The following NTMT1 variants were observed in gnomAD, a reference collection of about 807,000 sequenced individuals.
The protein encoded by NTMT1 is N-terminal Xaa-Pro-Lys N-methyltransferase 1.
NTMT1 carries 8 observed loss-of-function variants against 17.5 expected under a neutral mutation model. The ratio of observed to expected loss-of-function variants is 0.46; its 90% CI spans 0.27 to 0.82. The LOEUF (loss-of-function observed/expected upper bound fraction) is 0.82. Among genes scored for constraint, NTMT1 ranks in the 40% least tolerant of loss-of-function variants. The pLI is 0.15. For synonymous variants in NTMT1, 128 were observed against 126.8 expected (o/e 1.01, Z -0.06); for missense variants, 221 against 303.5 (o/e 0.73, Z 2.02).
At chr9:129,630,420 G>A (rs1457271446) in intron 1 of NTMT1, among the ~76,000 whole-genome samples, 1 of 152,104 alleles carries the variant, frequency 6.6e-6, no homozygotes. Flanking sequence ...GCGACAGTGA[G>A]ACCCTTTCTA....
At position 129,619,499 on chromosome 9, in the gene NTMT1, C is replaced by T. The variant is rs1830561771; in HGVS notation, c.-55+10321C>T. The T allele has an allele frequency of 3.8e-6, 6 of 1,573,238 alleles. No homozygotes were observed. The East Asian group carries it at 1.3e-4, about 35-fold the overall frequency. On this transcript the variant is annotated intron_variant, in intron 1 of 3. Coordinates refer to the NTMT1 transcript ENST00000372486. ...TGCCCCTTTCCTCCACTACCCTACCCTTATCCCGCCCATCACTCACTGGTT... is the reference window on the plus strand; with the variant it reads ...TGCCCCTTTCCTCCACTACCCTACCTTTATCCCGCCCATCACTCACTGGTT...
chr9:129,616,882 C>T (rs900853955), intron 1 of NTMT1, among the ~76,000 whole-genome samples: 3 of 152,122 alleles, frequency 2.0e-5, no homozygotes, highest in Non-Finnish European at 1.5e-5. Context: ...ACCATCCTGG[C>T]CAACATGGTG....
chr9:129,634,009 C>T (rs757225774), intron 2 of NTMT1, 45 bp from the exon 3 acceptor site: 41 of 1,583,868 alleles, frequency 2.6e-5, no homozygotes, highest in South Asian at 1.8e-4. Context: ...GCCGCACGTG[C>T]GGTGACAGGG....
intron 1 of NTMT1, among the ~76,000 whole-genome samples, chr9:129,630,327 G>C (rs1588137725): frequency 6.6e-6 from 1 of 152,128 alleles, no homozygotes; most frequent in South Asian, 2.1e-4. Flanking sequence ...ACAAAAGTTA[G>C]CCAGGTGTGG....
chr9:129,614,053 G>A lies in NTMT1; in HGVS notation c.-55+4875G>A, dbSNP rs987133211. Among the ~76,000 whole-genome samples the A allele has an allele frequency of 2.0e-5, 3 of 152,312 alleles. No homozygotes were observed. The highest frequency in any genetic ancestry group is 3.4e-3 in the Middle Eastern group (1 of 294). On this transcript the variant is annotated intron_variant, in intron 1 of 3. Transcript: ENST00000372486. This position sits in a 1 kb window ranked among gnomAD's most constrained non-coding sequence, Gnocchi z 4.4. ...TGGGAAGCAGCAGGCTGGCCCCCAC[G>A]TCTCCTGGGCACCCTGCTGCCCGGG...
rs559597162 is a variant in NTMT1, at chr9:129,635,379, G to C, written c.587G>C (p.Ser196Thr). The change falls in exon 4 of 4, where the codon AGT becomes ACT. Residue 196 changes from serine to threonine, a missense_variant. Physicochemically the swap from Ser to Thr is moderately conservative, Grantham distance 58. Transcript: ENST00000372483. Reference protein sequence around the residue: ...DLDVVRRIICSAGLSLLAEER... With the variant: ...DLDVVRRIICTAGLSLLAEER... Reference sequence around the variant, plus strand: ...GACGTGGTCCGCAGGATCATCTGCAGTGCAGGCCTCAGCCTCCTGGCCGAG... The same window carrying C: ...GACGTGGTCCGCAGGATCATCTGCACTGCAGGCCTCAGCCTCCTGGCCGAG... 1.2e-6 allele frequency: 2 copies of C among 1,613,780 alleles called. No homozygotes were observed. The highest frequency in any genetic ancestry group is 1.7e-6 in the Non-Finnish European group (2 of 1,180,026).
rs1378456291 is a variant in NTMT1 at position 129,614,818 on chromosome 9, C to A, written c.-55+5640C>A. Among the ~76,000 whole-genome samples the A allele has an allele frequency of 6.6e-6, 1 of 152,104 alleles. No individual in the cohort carries two copies. The highest frequency in any genetic ancestry group is 2.4e-5 in the African/African-American group (1 of 41,362). ...TCAGGAGGCTGAGGCAGGAGAATGGCATGAACCCGGGAGGTGGAGCTTGCA... is the reference window on the plus strand; with the variant it reads ...TCAGGAGGCTGAGGCAGGAGAATGGAATGAACCCGGGAGGTGGAGCTTGCA... On this transcript the variant is annotated intron_variant, in intron 1 of 3. Transcript: ENST00000372486. This position sits in a 1 kb window ranked among gnomAD's most constrained non-coding sequence, Gnocchi z 4.4.
rs1429422827 is a variant in NTMT1 at position 129,614,817 on chromosome 9, G to A, written c.-55+5639G>A. Among the ~76,000 whole-genome samples, 1 of 152,144 alleles carries A rather than the reference G, an allele frequency of 6.6e-6. No individual in the cohort carries two copies. Among genetic ancestry groups the A allele is most frequent in the Non-Finnish European group, 1.5e-5 (1 of 68,038 alleles). Reference sequence around the variant, plus strand: ...CTCAGGAGGCTGAGGCAGGAGAATGGCATGAACCCGGGAGGTGGAGCTTGC... The same window carrying A: ...CTCAGGAGGCTGAGGCAGGAGAATGACATGAACCCGGGAGGTGGAGCTTGC... On this transcript the variant is annotated intron_variant, in intron 1 of 3. Coordinates refer to the NTMT1 transcript ENST00000372486. The surrounding 1 kb of genome is among the most constrained non-coding windows in gnomAD (Gnocchi z 4.4).
chr9:129,624,383 T>C (rs2118909059), upstream of NTMT1, among the ~76,000 whole-genome samples: 1 of 152,284 alleles, frequency 6.6e-6, no homozygotes, highest in Admixed American at 6.5e-5. Context: ...CCAGGATCAA[T>C]CCCTTTGCTT....
intron 1 of NTMT1, among the ~76,000 whole-genome samples, chr9:129,628,875 T>C (rs1443521931): frequency 1.3e-5 from 2 of 152,236 alleles, no homozygotes; most frequent in East Asian, 1.9e-4. Context: ...GAGAACTGAA[T>C]ACAAAACCTT....
intron 1 of NTMT1, among the ~76,000 whole-genome samples, chr9:129,611,523 C>A (rs1830115329): frequency 6.6e-6 from 1 of 152,230 alleles, no homozygotes; most frequent in Non-Finnish European, 1.5e-5. Flanking sequence ...GCCAACCCTT[C>A]CGGGGAAACG....
In NTMT1 at chr9:129,613,559, G is replaced by A. The variant is rs1377862408; in HGVS notation, c.-55+4381G>A. 1.2e-6 allele frequency: 2 copies of A among 1,614,184 alleles called. No homozygotes were observed. Among genetic ancestry groups the A allele is most frequent in the Non-Finnish European group, 1.7e-6 (2 of 1,180,024 alleles). On this transcript the variant is annotated intron_variant, in intron 1 of 3. Coordinates refer to the NTMT1 transcript ENST00000372486. This position sits in a 1 kb window ranked among gnomAD's most constrained non-coding sequence, Gnocchi z 6.2. Reference sequence around the variant, plus strand: ...CCAAACACCCGCTCGGACGCCACTGGCAGGGCGGCCTTCTGGTTCACAATG... The same window carrying A: ...CCAAACACCCGCTCGGACGCCACTGACAGGGCGGCCTTCTGGTTCACAATG...
chr9:129,627,140 A>G (rs4837394), intron 1 of NTMT1, among the ~76,000 whole-genome samples: 147,136 of 152,300 alleles, frequency 0.97, 71,115 homozygotes, highest in Middle Eastern at 0.99. Flanking sequence ...GTTTTTCTCT[A>G]TGTAAACTGA....
At chr9:129,615,208 G>A (rs1279832600) in intron 1 of NTMT1, among the ~76,000 whole-genome samples, 1 of 152,200 alleles carries the variant, frequency 6.6e-6, no homozygotes, top group Non-Finnish European at 1.5e-5. Context: ...TCTCAAGGTG[G>A]GCAGATACAG....
intron 1 of NTMT1, chr9:129,619,623 G>T: frequency 1.2e-6 from 2 of 1,614,074 alleles, no homozygotes; most frequent in Non-Finnish European, 1.7e-6. Context: ...TCCTGGAGGT[G>T]CGATGACTGG....
In NTMT1 at chr9:129,613,332, A is replaced by G. The variant is rs535325993; in HGVS notation, c.-55+4154A>G. The stretch of plus-strand genomic sequence containing the variant: ...TGGCTGGCAGGGCCCTTGAGGACCC[A>G]CACTGGCAACCCGCCTGCTGCTGGG... On this transcript the variant is annotated intron_variant, in intron 1 of 3. Transcript: ENST00000372486. The surrounding 1 kb of genome is among the most constrained non-coding windows in gnomAD (Gnocchi z 6.2). 1.1e-4 allele frequency: 176 copies of G among 1,565,824 alleles called. 1 individual carries two copies. In the South Asian group the frequency reaches 2.0e-3, roughly 17 times the overall value.
intron 3 of NTMT1, 138 bp from the exon 4 acceptor site, chr9:129,635,070 T>G: frequency 1.0e-6 from 1 of 978,502 alleles, no homozygotes; most frequent in Non-Finnish European, 1.5e-6. Context: ...CTCTCGGGAC[T>G]GAGAGCCAAT....
intron 1 of NTMT1, among the ~76,000 whole-genome samples, chr9:129,611,315 G>A (rs927890883): frequency 1.3e-5 from 2 of 152,250 alleles, no homozygotes; most frequent in South Asian, 2.1e-4. Context: ...AGGGAAAGAG[G>A]CGGCGGCTCA....
chr9:129,615,472 C>G, intron 1 of NTMT1: 1 of 1,571,134 alleles, frequency 6.4e-7, no homozygotes, highest in Non-Finnish European at 8.6e-7. Context: ...GCTCCCCATC[C>G]TGTCTGCTTA....
Sources: gnomAD v4.1 joint callset for allele counts (sites outside exome capture counted in the v4.1 genomes callset) on GRCh38, gnomAD v4.1.1 for gene constraint, Gnocchi (gnomAD v3.1) non-coding constraint, MANE v1.5 for transcripts, NCBI Gene and HGNC (gene_info 2026-07-23, HGNC 2026-07-21) for gene names.